CPLX2: variants seen among roughly 807,000 people sequenced by gnomAD.
The protein encoded by CPLX2 is complexin-2.
A neutral mutation model predicts 16.3 loss-of-function variants in CPLX2; 5 were observed. The ratio of observed to expected loss-of-function variants is 0.31; its 90% CI spans 0.16 to 0.64. The LOEUF is 0.64. CPLX2 is among the 30% of genes least tolerant of loss of function. The pLI is 0.79. For missense variants in CPLX2, 144 were observed against 181.4 expected (o/e 0.79, Z 1.18); for synonymous variants, 89 against 73.2 (o/e 1.22, Z -1.10).
upstream of CPLX2, among the ~76,000 whole-genome samples, chr5:175,868,466 G>T (rs2113698846): frequency 6.6e-6 from 1 of 152,240 alleles, no homozygotes; most frequent in South Asian, 2.1e-4. Flanking sequence ...TGCCCCCAGG[G>T]CTCATAAATA....
Position 175,823,278 on chromosome 5 carries a change from G to GGGAT in CPLX2, c.-89+14232_-89+14235dup, listed in dbSNP as rs367673128. On this transcript the variant is annotated intron_variant, in intron 2 of 4. Transcript: ENST00000359546. The stretch of plus-strand genomic sequence containing the variant: ...AGACCCTTAGTAAATGATGGATGGA[G>GGGAT]GGATGGATGGATGGATGGATGGATG... Among the ~76,000 whole-genome samples, 675 of 152,232 alleles carry GGGAT rather than the reference G, an allele frequency of 4.4e-3. 6 individuals are homozygous for GGGAT. Among genetic ancestry groups the GGGAT allele is most frequent in the African/African-American group, 0.014 (590 of 41,542 alleles).
chr5:175,800,049 C>T (rs1012975400), intron 1 of CPLX2, among the ~76,000 whole-genome samples: 6 of 152,172 alleles, frequency 3.9e-5, no homozygotes, highest in Non-Finnish European at 7.3e-5. Context: ...TGGCTGCACA[C>T]CTAGCTCACA....
At chr5:175,850,842 TG>T (rs757749422) in intron 2 of CPLX2, among the ~76,000 whole-genome samples, 11 of 151,840 alleles carry the variant, frequency 7.2e-5, no homozygotes, top group Non-Finnish European at 1.6e-4. Flanking sequence ...AGGTGAGGGC[TG>T]GGAGTGACGA....
chr5:175,859,999 C>T (rs1265982732), intron 2 of CPLX2, among the ~76,000 whole-genome samples: 4 of 152,210 alleles, frequency 2.6e-5, no homozygotes, highest in African/African-American at 9.7e-5. Context: ...TATTGGCTCA[C>T]ATAACTGAAA....
intron 2 of CPLX2, among the ~76,000 whole-genome samples, chr5:175,836,752 A>T (rs1258900580): frequency 1.3e-5 from 2 of 152,204 alleles, no homozygotes; most frequent in Non-Finnish European, 2.9e-5. Flanking sequence ...AAAACAGGAT[A>T]AAAACAGTAG....
intron 1 of CPLX2, among the ~76,000 whole-genome samples, chr5:175,808,355 G>T (rs539233775): frequency 1.1e-4 from 16 of 152,022 alleles, no homozygotes; most frequent in African/African-American, 3.9e-4. Flanking sequence ...GCCCGGCCCC[G>T]TGCAGAGCTC....
upstream of CPLX2, among the ~76,000 whole-genome samples, chr5:175,868,505 A>G (rs1361697247): frequency 6.6e-6 from 1 of 152,152 alleles, no homozygotes; most frequent in Non-Finnish European, 1.5e-5. Flanking sequence ...CAGTCAGGAT[A>G]AGTCACCTGA....
At chr5:175,877,821 C>T (rs1275708759) in intron 1 of CPLX2, among the ~76,000 whole-genome samples, 6 of 152,080 alleles carry the variant, frequency 3.9e-5, no homozygotes, top group Admixed American at 3.3e-4. Context: ...TTGGAGAACC[C>T]TTCTGAGGCA....
intron 2 of CPLX2, among the ~76,000 whole-genome samples, chr5:175,818,680 G>A (rs1424478379): frequency 1.3e-4 from 1 of 7,942 alleles, no homozygotes; most frequent in African/African-American, 4.5e-4. Context: ...TTTTTTTTTT[G>A]AGACAGAGTC....
At chr5:175,847,515 G>T (rs2113675101) in intron 2 of CPLX2, among the ~76,000 whole-genome samples, 1 of 152,304 alleles carries the variant, frequency 6.6e-6, no homozygotes, top group Non-Finnish European at 1.5e-5. Context: ...ATTTGAAGCT[G>T]GGTCTGTAGG....
intron 1 of CPLX2, among the ~76,000 whole-genome samples, chr5:175,873,898 GAGGGTAAGAGGTTCCA>G: frequency 6.6e-6 from 1 of 152,236 alleles, no homozygotes; most frequent in East Asian, 1.9e-4. Flanking sequence ...TGGCAGAGAT[GAGGGTAAGAGGTTCCA>G]AGGCTGTGGG....
intron 2 of CPLX2, among the ~76,000 whole-genome samples, chr5:175,856,215 A>G (rs1240508669): frequency 6.6e-6 from 1 of 152,176 alleles, no homozygotes; most frequent in East Asian, 1.9e-4. Flanking sequence ...TACTTACCTC[A>G]TAAGGTGGTT....
chr5:175,854,960 C>T (rs1759226160), intron 2 of CPLX2, among the ~76,000 whole-genome samples: 3 of 152,180 alleles, frequency 2.0e-5, no homozygotes. Flanking sequence ...CTGGGGGACT[C>T]CCACCCAGCA....
At chr5:175,846,199 C>A (rs983577392) in intron 2 of CPLX2, among the ~76,000 whole-genome samples, 1 of 152,184 alleles carries the variant, frequency 6.6e-6, no homozygotes. Flanking sequence ...CCATTCTGCA[C>A]CCCCTGATTC....
chr5:175,842,215 G>C (rs1758956773), intron 2 of CPLX2, among the ~76,000 whole-genome samples: 1 of 152,178 alleles, frequency 6.6e-6, no homozygotes, highest in Admixed American at 6.5e-5. Flanking sequence ...GGGCCATAAG[G>C]CCACATTTCA....
At chr5:175,818,469 T>A (rs1758448054) in intron 2 of CPLX2, among the ~76,000 whole-genome samples, 1 of 152,078 alleles carries the variant, frequency 6.6e-6, no homozygotes, top group African/African-American at 2.4e-5. Flanking sequence ...AAAAAAAAAT[T>A]ACTGAACTAT....
At chr5:175,827,475 C>T (rs1487098208) in intron 2 of CPLX2, among the ~76,000 whole-genome samples, 1 of 152,186 alleles carries the variant, frequency 6.6e-6, no homozygotes, top group Non-Finnish European at 1.5e-5. Context: ...GAGATGATGG[C>T]CGGGTGCAGT....
intron 2 of CPLX2, among the ~76,000 whole-genome samples, chr5:175,839,624 G>A (rs1033086104): frequency 6.6e-6 from 1 of 152,198 alleles, no homozygotes; most frequent in South Asian, 2.1e-4. Flanking sequence ...GTTTGGTAAT[G>A]TATCTGTGAT....
At chr5:175,807,573 T>C (rs1380926305) in intron 1 of CPLX2, among the ~76,000 whole-genome samples, 1 of 152,258 alleles carries the variant, frequency 6.6e-6, no homozygotes, top group African/African-American at 2.4e-5. Context: ...TTAATCCAGT[T>C]GCTAGTTTTA....
Sources: gnomAD v4.1 joint callset for allele counts (sites outside exome capture counted in the v4.1 genomes callset) on GRCh38, gnomAD v4.1.1 for gene constraint, MANE v1.5 for transcripts, NCBI Gene and HGNC (gene_info 2026-07-23, HGNC 2026-07-21) for gene names.